The following ANKRD28 variants were observed in gnomAD, a reference collection of about 807,000 sequenced individuals.
ANKRD28 encodes the protein ankyrin repeat domain 28, also known as serine/threonine-protein phosphatase 6 regulatory ankyrin repeat subunit A.
ANKRD28 carries 44 observed loss-of-function variants against 126.5 expected under a neutral mutation model. The observed-to-expected ratio is 0.35, with a 90% CI of 0.27 to 0.45. The LOEUF (loss-of-function observed/expected upper bound fraction) is 0.45, where lower values mean the gene tolerates loss of function less well. ANKRD28 is among the 20% of genes least tolerant of loss of function. The pLI is 1.00. For missense variants in ANKRD28, 1,110 were observed against 1,316.6 expected (o/e 0.84, Z 2.43); for synonymous variants, 442 against 468.5 (o/e 0.94, Z 0.73).
intron 27 of ANKRD28, among the ~76,000 whole-genome samples, chr3:15,675,510 T>A (rs1417296083): frequency 6.6e-6 from 1 of 152,010 alleles, no homozygotes; most frequent in Non-Finnish European, 1.5e-5. Context: ...ACTGTCAAAC[T>A]GACATTATGA....
chr3:15,682,820 C>T (rs1365942400), intron 21 of ANKRD28, among the ~76,000 whole-genome samples: 1 of 152,188 alleles, frequency 6.6e-6, no homozygotes, highest in Non-Finnish European at 1.5e-5. Flanking sequence ...TAATTTTAGG[C>T]TGTCTATATA....
chr3:15,761,573 T>C (rs1346525088), intron 3 of ANKRD28, among the ~76,000 whole-genome samples: 3 of 152,194 alleles, frequency 2.0e-5, no homozygotes, highest in Admixed American at 6.5e-5. Flanking sequence ...GGAGCATCTA[T>C]ACAGAACCTT....
At chr3:15,771,118 C>T (rs964829011) in intron 2 of ANKRD28, among the ~76,000 whole-genome samples, 34 of 152,120 alleles carry the variant, frequency 2.2e-4, no homozygotes, top group African/African-American at 8.0e-4. Flanking sequence ...GTATAAGAAG[C>T]ATGGCACCAG....
chr3:15,798,799 C>A (rs1475098581), upstream of ANKRD28, among the ~76,000 whole-genome samples: 1 of 151,986 alleles, frequency 6.6e-6, no homozygotes, highest in Non-Finnish European at 1.5e-5. Flanking sequence ...GTTTACCCAA[C>A]ATGGGGGATA....
chr3:15,797,804 T>C lies in ANKRD28; in HGVS notation c.-1283A>G. 4 of 985,450 alleles carry C rather than the reference T, an allele frequency of 4.1e-6. No homozygotes were observed. The highest frequency in any genetic ancestry group is 4.8e-6 in the Non-Finnish European group (4 of 829,928). The allele number at this position is 985,450 out of a possible 1,614,324, so 61.0% of individuals were successfully genotyped here. Reference sequence around the variant, plus strand: ...AAATGCTTTCCTGTTCCTCAGATGATCTTGCAAAACACCACTGACATCCCC... The same window carrying C: ...AAATGCTTTCCTGTTCCTCAGATGACCTTGCAAAACACCACTGACATCCCC... On this transcript the variant is annotated 5_prime_UTR_variant, in exon 1 of 28. Transcript: ENST00000683139.
chr3:15,701,954 AAT>A (rs2070693862), intron 14 of ANKRD28, among the ~76,000 whole-genome samples: 1 of 151,400 alleles, frequency 6.6e-6, no homozygotes, highest in Non-Finnish European at 1.5e-5. Flanking sequence ...AAAAATCTTT[AAT>A]CAAGTTCTCT....
rs1271102251 is a variant in ANKRD28 at position 15,761,448 on chromosome 3, C to T, written c.280+4786G>A. 3.9e-5 allele frequency among the ~76,000 whole-genome samples: 6 copies of T among 152,168 alleles called. No individual in the cohort carries two copies. In the East Asian group the frequency reaches 1.2e-3, roughly 29 times the overall value. ...ATTTATAACTCAACTTACCATAATT[C>T]ATTAAAAGGCTGTTTTGATGGATCC... On this transcript the variant is annotated intron_variant, in intron 3 of 27. Transcript: ENST00000683139.
chr3:15,685,824 A>G (rs572712750), intron 20 of ANKRD28, among the ~76,000 whole-genome samples, 178 bp downstream of exon 20: 11 of 152,358 alleles, frequency 7.2e-5, no homozygotes, highest in African/African-American at 2.6e-4. Context: ...TGTTCTCTAG[A>G]TTAAGTTGTA....
chr3:15,707,851 A>C (rs937087721), intron 14 of ANKRD28, 73 bp downstream of exon 14: 2 of 1,526,778 alleles, frequency 1.3e-6, no homozygotes, highest in Admixed American at 3.8e-5. Flanking sequence ...CAAATTTGCA[A>C]CAAAAACATC....
chr3:15,678,160 A>C (rs748128566), intron 24 of ANKRD28, 49 bp downstream of exon 24: 2 of 1,527,694 alleles, frequency 1.3e-6, no homozygotes. Flanking sequence ...AGTTATACAT[A>C]AGTGATACAC....
At chr3:15,751,884 G>C (rs1025984102) in intron 3 of ANKRD28, 64 bp from the exon 4 acceptor site, 2 of 1,105,770 alleles carry the variant, frequency 1.8e-6, no homozygotes, top group African/African-American at 3.2e-5. Context: ...TAAATCTCCT[G>C]AAATAGTAGT....
intron 4 of ANKRD28, among the ~76,000 whole-genome samples, chr3:15,745,933 G>A (rs929189683): frequency 6.6e-6 from 1 of 152,012 alleles, no homozygotes; most frequent in Non-Finnish European, 1.5e-5. Context: ...TCCTTGGTTA[G>A]GTATACTCCT....
chr3:15,826,981 A>G (rs887572460), intron 1 of ANKRD28, among the ~76,000 whole-genome samples: 2 of 152,174 alleles, frequency 1.3e-5, no homozygotes, highest in African/African-American at 4.8e-5. Context: ...ACATTTCTCA[A>G]ATGAAGACAC....
chr3:15,738,436 C>A (rs913011384), intron 4 of ANKRD28: 36 of 152,202 alleles, frequency 2.4e-4, no homozygotes, highest in African/African-American at 8.2e-4. Context: ...GGCGAGATCA[C>A]AGGACCAGGT....
rs539574432 is a variant in ANKRD28, at chr3:15,675,771, T to C, written c.2965+127A>G. On this transcript the variant is annotated intron_variant, in intron 27 of 27. Coordinates refer to ENST00000683139, the MANE Select transcript of ANKRD28 (RefSeq NM_001349278.2). Reference sequence around the variant, plus strand: ...TTGCCCTTATTCCTTTGCCACAAACTACTCTTCAATATTAACTTTAGCTCT... The same window carrying C: ...TTGCCCTTATTCCTTTGCCACAAACCACTCTTCAATATTAACTTTAGCTCT... 6.8e-6 allele frequency: 5 copies of C among 739,792 alleles called. No homozygotes were observed. The South Asian group carries it at 1.4e-4, about 21-fold the overall frequency. The allele number at this position is 739,792 out of a possible 1,614,324, so 45.8% of individuals were successfully genotyped here. A position where few individuals can be genotyped will look rare whatever the true frequency, so the allele number is the denominator to read the frequency against.
intron 10 of ANKRD28, among the ~76,000 whole-genome samples, 173 bp from the exon 11 acceptor site, chr3:15,712,395 T>C (rs2126073658): frequency 6.6e-6 from 1 of 152,360 alleles, no homozygotes; most frequent in Admixed American, 6.5e-5. Context: ...ATTAGCCAGC[T>C]ATTTTTCTCC....
intron 6 of ANKRD28, 90 bp from the exon 7 acceptor site, chr3:15,724,614 A>C: frequency 8.0e-7 from 1 of 1,242,854 alleles, no homozygotes; most frequent in Non-Finnish European, 1.1e-6. Flanking sequence ...AATTTAAAAA[A>C]TGCAAAATAG....
rs764941683 is a variant in ANKRD28, at chr3:15,670,326, C to T, written c.3196G>A (p.Glu1066Lys). ...CSFNNIGGEQEYLYTDVDELN... is the reference protein window; with the variant it reads ...CSFNNIGGEQKYLYTDVDELN... ...TCATCCACGTCAGTGTATAAGTACT[C>T]CTGTTCCCCTCCAATGTTATTGAAA... The change falls in exon 28 of 28, where the codon GAG (glutamate) becomes AAG (lysine). Residue 1066 changes from glutamate (E) to lysine (K), a missense_variant. Physicochemically the swap from Glu to Lys is moderately conservative, Grantham distance 56 (BLOSUM62 1). Transcript: ENST00000683139. The T allele has an allele frequency of 1.2e-6, 2 of 1,613,808 alleles. No individual in the cohort carries two copies. The highest frequency in any genetic ancestry group is 1.7e-6 in the Non-Finnish European group (2 of 1,179,828).
intron 6 of ANKRD28, among the ~76,000 whole-genome samples, chr3:15,729,938 G>A (rs1322156445): frequency 6.6e-6 from 1 of 152,178 alleles, no homozygotes; most frequent in Non-Finnish European, 1.5e-5. Flanking sequence ...ACCTTGGCTG[G>A]AATGCAGTGG....
Sources: gnomAD v4.1 joint callset for allele counts (sites outside exome capture counted in the v4.1 genomes callset) on GRCh38, gnomAD v4.1.1 for gene constraint, MANE v1.5 for transcripts, NCBI Gene and HGNC (gene_info 2026-07-23, HGNC 2026-07-21) for gene names.